KCND3: variants seen among roughly 807,000 people sequenced by gnomAD.
The protein encoded by KCND3 is A-type voltage-gated potassium channel KCND3.
In KCND3, 9 loss-of-function variants were observed where a neutral mutation model predicts 51.1. The observed-to-expected ratio is 0.18, with a 90% CI of 0.11 to 0.31. The LOEUF is 0.31. KCND3 is among the 10% of genes least tolerant of loss of function. The pLI is 1.00. For missense variants in KCND3, 526 were observed against 903.8 expected (o/e 0.58, Z 5.36); for synonymous variants, 349 against 368.0 (o/e 0.95, Z 0.59).
intron 2 of KCND3, among the ~76,000 whole-genome samples, chr1:111,807,078 C>T (rs2101563280): frequency 6.6e-6 from 1 of 152,256 alleles, no homozygotes; most frequent in South Asian, 2.1e-4. Flanking sequence ...GATTCTAAAC[C>T]ACAGATTATC....
At chr1:111,941,810 A>T (rs1672534086) in intron 2 of KCND3, among the ~76,000 whole-genome samples, 1 of 152,230 alleles carries the variant, frequency 6.6e-6, no homozygotes, top group Non-Finnish European at 1.5e-5. Context: ...TGCCTTTGAC[A>T]TAGGAAACAG....
intron 2 of KCND3, among the ~76,000 whole-genome samples, chr1:111,961,529 G>A (rs537962719): frequency 1.3e-5 from 2 of 152,222 alleles, no homozygotes; most frequent in East Asian, 3.9e-4. Context: ...ATCCTACTTG[G>A]CAGCTGCCAG....
chr1:111,835,617 T>G (rs1667032922), intron 2 of KCND3, among the ~76,000 whole-genome samples: 1 of 152,208 alleles, frequency 6.6e-6, no homozygotes, highest in African/African-American at 2.4e-5. Context: ...ATTAGCATAC[T>G]AAAAGACACT....
chr1:111,931,949 C>T (rs573732657), intron 2 of KCND3, among the ~76,000 whole-genome samples: 22 of 152,212 alleles, frequency 1.4e-4, no homozygotes, highest in Non-Finnish European at 2.2e-4. Context: ...CAAATGCAAA[C>T]GTAGTGTCTT....
intron 2 of KCND3, among the ~76,000 whole-genome samples, chr1:111,926,253 G>A (rs1234124277): frequency 6.6e-6 from 1 of 152,210 alleles, no homozygotes; most frequent in Non-Finnish European, 1.5e-5. Flanking sequence ...ACACTGCACT[G>A]TGATGGTACA....
At chr1:111,878,618 C>T (rs1669165312) in intron 2 of KCND3, among the ~76,000 whole-genome samples, 1 of 152,226 alleles carries the variant, frequency 6.6e-6, no homozygotes, top group African/African-American at 2.4e-5. Flanking sequence ...GCTGCTGAAG[C>T]CGACAGATGT....
chr1:111,953,380 T>C (rs1162161717), intron 2 of KCND3, among the ~76,000 whole-genome samples: 1 of 152,198 alleles, frequency 6.6e-6, no homozygotes, highest in Admixed American at 6.5e-5. Flanking sequence ...CAGAGAGTTT[T>C]ATATGGGCTC....
intron 2 of KCND3, among the ~76,000 whole-genome samples, chr1:111,838,328 C>T (rs1337569367): frequency 1.3e-5 from 2 of 152,100 alleles, no homozygotes; most frequent in African/African-American, 4.8e-5. Context: ...TTTAATTTTC[C>T]CAGGTATGTG....
chr1:111,860,986 G>C (rs1668312240), intron 2 of KCND3, among the ~76,000 whole-genome samples: 1 of 152,142 alleles, frequency 6.6e-6, no homozygotes, highest in Non-Finnish European at 1.5e-5. Flanking sequence ...TTTCAAACAG[G>C]AGCTGTCTGG....
At chr1:111,906,499 T>C (rs1032986179) in intron 2 of KCND3, among the ~76,000 whole-genome samples, 2 of 152,266 alleles carry the variant, frequency 1.3e-5, no homozygotes, top group Non-Finnish European at 2.9e-5. Flanking sequence ...ACTTGTGATA[T>C]GTGACACCTA....
At chr1:111,887,370 G>A (rs1669616943) in intron 2 of KCND3, among the ~76,000 whole-genome samples, 1 of 152,164 alleles carries the variant, frequency 6.6e-6, no homozygotes, top group African/African-American at 2.4e-5. Flanking sequence ...ACAGAAGGGG[G>A]AGAACCACAA....
At chr1:111,940,801 G>A (rs754688192) in intron 2 of KCND3, among the ~76,000 whole-genome samples, 7 of 152,148 alleles carry the variant, frequency 4.6e-5, no homozygotes, top group Non-Finnish European at 7.3e-5. Flanking sequence ...AGAGCCTCTG[G>A]TGTGGAGACC....
chr1:111,870,064 A>G (rs1270389955), intron 2 of KCND3, among the ~76,000 whole-genome samples: 1 of 152,246 alleles, frequency 6.6e-6, no homozygotes, highest in Non-Finnish European at 1.5e-5. Context: ...AATAATAGGT[A>G]AAATTTATCA....
At chr1:111,831,075 G>A (rs1314973140) in intron 2 of KCND3, among the ~76,000 whole-genome samples, 3 of 152,250 alleles carry the variant, frequency 2.0e-5, no homozygotes. Context: ...TCCTGGCCTG[G>A]AAGGTTTTCC....
intron 2 of KCND3, among the ~76,000 whole-genome samples, chr1:111,847,135 AG>A (rs1203979513): frequency 6.6e-6 from 1 of 152,250 alleles, no homozygotes; most frequent in East Asian, 1.9e-4. Context: ...TCAGGGAGGC[AG>A]GGCAAACTGG....
At chr1:111,940,984 C>T (rs1260673233) in intron 2 of KCND3, among the ~76,000 whole-genome samples, 1 of 152,184 alleles carries the variant, frequency 6.6e-6, no homozygotes, top group Non-Finnish European at 1.5e-5. Flanking sequence ...TTGTTTACTG[C>T]TGTTCTTTGC....
chr1:111,932,328 C>A (rs12743664), intron 2 of KCND3, among the ~76,000 whole-genome samples: 2 of 152,240 alleles, frequency 1.3e-5, no homozygotes, highest in Non-Finnish European at 2.9e-5. Context: ...CAAGGGCCAG[C>A]TCTTAACCAG....
chr1:111,848,098 G>T (rs929685205), intron 2 of KCND3, among the ~76,000 whole-genome samples: 18 of 152,234 alleles, frequency 1.2e-4, no homozygotes, highest in African/African-American at 4.3e-4. Flanking sequence ...GGCACTGAGG[G>T]AGCTGACAGA....
chr1:111,791,099 T>C (rs1381258924), intron 2 of KCND3, among the ~76,000 whole-genome samples: 4 of 152,244 alleles, frequency 2.6e-5, no homozygotes, highest in African/African-American at 9.6e-5. Context: ...CTATGTTGAA[T>C]AGTTTGAGGA....
Sources: gnomAD v4.1 joint callset for allele counts (sites outside exome capture counted in the v4.1 genomes callset) on GRCh38, gnomAD v4.1.1 for gene constraint, MANE v1.5 for transcripts, NCBI Gene and HGNC (gene_info 2026-07-23, HGNC 2026-07-21) for gene names.